Variants in ODF2 observed in about 807,000 individuals in gnomAD.
ODF2 encodes the protein outer dense fiber of sperm tails 2.
In ODF2, 47 loss-of-function variants were observed where a neutral mutation model predicts 110.2. The ratio of observed to expected loss-of-function variants is 0.43; its 90% CI spans 0.34 to 0.54. The LOEUF (loss-of-function observed/expected upper bound fraction) is 0.54, where lower values mean the gene tolerates loss of function less well. Among genes scored for constraint, ODF2 ranks in the 20% least tolerant of loss-of-function variants. The pLI, the probability that ODF2 is intolerant of heterozygous loss-of-function variation, is 0.03. For missense variants in ODF2, 812 were observed against 1,054.5 expected (o/e 0.77, Z 3.19); for synonymous variants, 352 against 397.7 (o/e 0.89, Z 1.37).
chr9:128,492,814 T>G lies in ODF2; in HGVS notation c.1752+9T>G. 6.2e-7 allele frequency: 1 copy of G among 1,607,956 alleles called. No homozygotes were observed. On this transcript the variant is annotated intron_variant, in intron 16 of 20. Transcript: ENST00000604420. ...ACAAAGAGATTGAGGCGGTACTGCT[T>G]TCCTTCCTTGTTTTCTTCTCCTACC...
chr9:128,483,137 G>A (rs1374874633), intron 10 of ODF2, among the ~76,000 whole-genome samples: 1 of 152,048 alleles, frequency 6.6e-6, no homozygotes, highest in Non-Finnish European at 1.5e-5. Flanking sequence ...CTCGTGATCT[G>A]CCTGCCTCGG....
rs930686975 is a variant in ODF2, at chr9:128,460,078, GTTC to G, written c.123+424_123+426del. On this transcript the variant is annotated intron_variant, in intron 3 of 20. Transcript: ENST00000604420. ...ATTTCCTTCAGCTTTCTGTTTTCCT[GTTC>G]TTTGATCTGCCTGCTCTCTGATTTA... is the stretch of plus-strand genomic sequence containing the variant. 7 of 1,190,598 alleles carry G rather than the reference GTTC, an allele frequency of 5.9e-6. No individual in the cohort carries two copies. The African/African-American group carries it at 1.1e-4, about 19-fold the overall frequency. The allele number at this position is 1,190,598 out of a possible 1,614,324, so 73.8% of individuals were successfully genotyped here.
intron 18 of ODF2, 53 bp from the exon 19 acceptor site, chr9:128,498,360 G>A (rs1301643885): frequency 3.4e-6 from 5 of 1,456,540 alleles, no homozygotes; most frequent in Non-Finnish European, 4.5e-6. Context: ...CTGGCGGGGT[G>A]GAACATGACA....
chr9:128,483,409 C>CAAAATT (rs1265224247), intron 10 of ODF2, among the ~76,000 whole-genome samples: 1 of 151,686 alleles, frequency 6.6e-6, no homozygotes, highest in Non-Finnish European at 1.5e-5. Context: ...CCCATCTCTA[C>CAAAATT]AAAATTAAAA....
intron 8 of ODF2, among the ~76,000 whole-genome samples, chr9:128,479,256 A>G (rs1841962825): frequency 6.6e-6 from 1 of 152,122 alleles, no homozygotes; most frequent in Non-Finnish European, 1.5e-5. Context: ...GGTGAACAAG[A>G]TGTCCCTCCC....
intron 13 of ODF2, among the ~76,000 whole-genome samples, chr9:128,486,077 C>T (rs1403914559): frequency 1.3e-5 from 2 of 152,192 alleles, no homozygotes; most frequent in Non-Finnish European, 1.5e-5. Flanking sequence ...ATATACCAAG[C>T]TGCTGTGTGC....
rs932094132 is a variant in ODF2 at position 128,481,730 on chromosome 9, T to C, written c.915+79T>C. 3.4e-6 allele frequency: 4 copies of C among 1,175,532 alleles called. No homozygotes were observed. The African/African-American group carries it at 6.1e-5, about 18-fold the overall frequency. The allele number at this position is 1,175,532 out of a possible 1,614,324, so 72.8% of individuals were successfully genotyped here. A position where few individuals can be genotyped will look rare whatever the true frequency, so the allele number is the denominator to read the frequency against. On this transcript the variant is annotated intron_variant, in intron 9 of 20. Transcript: ENST00000604420. The stretch of plus-strand genomic sequence containing the variant: ...TTCCACTACAAAGTGTAGAGGTGCT[T>C]GGATCAAGGCAGGAGGGCTGGAGCA...
intron 14 of ODF2, 72 bp downstream of exon 14, chr9:128,488,097 TGGGCC>T: frequency 6.4e-7 from 1 of 1,569,024 alleles, no homozygotes; most frequent in Non-Finnish European, 8.7e-7. Context: ...TTGTCTTACG[TGGGCC>T]TGGGGGCATC....
In ODF2 at chr9:128,495,975, T is replaced by C. The variant is rs1272821530; in HGVS notation, c.1912-66T>C. 24 of 1,585,350 alleles carry C rather than the reference T, an allele frequency of 1.5e-5. No individual in the cohort carries two copies. In the African/African-American group the frequency reaches 2.0e-4, roughly 13 times the overall value. ...TTTCCTGGGTGTGGACAACAGGTCATAGGGAAAGGGGAGGGCTCTAGCGGG... is the reference window on the plus strand; with the variant it reads ...TTTCCTGGGTGTGGACAACAGGTCACAGGGAAAGGGGAGGGCTCTAGCGGG... On this transcript the variant is annotated intron_variant, in intron 17 of 20. Transcript: ENST00000604420.
chr9:128,498,639 T>G lies in ODF2; in HGVS notation c.2175+64T>G, dbSNP rs978413071. ...TGGGCAAATCACCTAAACTCTCAGC[T>G]TATTTCTCCATCTGAAAAATGGGCA... On this transcript the variant is annotated intron_variant, in intron 19 of 20. Coordinates refer to ENST00000604420, the Ensembl canonical transcript of ODF2. The G allele has an allele frequency of 5.4e-6, 5 of 920,590 alleles. No homozygotes were observed. In the African/African-American group the frequency reaches 8.3e-5, roughly 15 times the overall value. The allele number at this position is 920,590 out of a possible 1,614,324, so 57.0% of individuals were successfully genotyped here. A position where few individuals can be genotyped will look rare whatever the true frequency, so the allele number is the denominator to read the frequency against.
chr9:128,472,031 C>T (rs1355049518), intron 6 of ODF2, among the ~76,000 whole-genome samples: 1 of 152,232 alleles, frequency 6.6e-6, no homozygotes, highest in Middle Eastern at 3.4e-3. Flanking sequence ...CCTGTAATCC[C>T]AGCCCTTTGG....
intron 4 of ODF2, among the ~76,000 whole-genome samples, chr9:128,468,798 A>G (rs187163306): frequency 6.6e-6 from 1 of 152,308 alleles, no homozygotes; most frequent in Non-Finnish European, 1.5e-5. Context: ...CTGGGATTGC[A>G]GATGTGAGCC....
In ODF2 at chr9:128,469,266, A is replaced by AGAT. The variant is rs1839105803; in HGVS notation, c.339_341dup (p.Asp114dup). ...TGCGGTTAAGTGACCTCTCTACAGA[A>AGAT]GATGATGACTCAGGTCACTGTAAAA... On this transcript the variant is annotated inframe_insertion, in exon 5 of 21. Transcript: ENST00000604420. The AGAT allele has an allele frequency of 2.5e-6, 4 of 1,613,946 alleles. No individual in the cohort carries two copies. In the African/African-American group the frequency reaches 5.3e-5, roughly 22 times the overall value.
Position 128,498,896 on chromosome 9 carries a change from T to C in ODF2, c.2176-105T>C. ...CTAGAGAACACAGTCCACAATGATG[T>C]GCAAGTGCTGTCTGCAAGACCAGAT... On this transcript the variant is annotated intron_variant, in intron 19 of 20. Coordinates refer to ENST00000604420, the Ensembl canonical transcript of ODF2. 4.2e-6 allele frequency: 6 copies of C among 1,433,518 alleles called. No individual in the cohort carries two copies. The South Asian group carries it at 7.5e-5, about 18-fold the overall frequency. 88.8% of individuals were successfully genotyped at this position (1,433,518 alleles called of 1,614,324 possible). A position where few individuals can be genotyped will look rare whatever the true frequency, so the allele number is the denominator to read the frequency against.
intron 13 of ODF2, among the ~76,000 whole-genome samples, chr9:128,487,351 C>T (rs1427610503): frequency 2.6e-5 from 4 of 152,158 alleles, no homozygotes; most frequent in African/African-American, 9.6e-5. Context: ...AGAGGTGGGA[C>T]AGGCATGGGA....
At position 128,494,181 on chromosome 9, in the gene ODF2, ATACTT is replaced by A. The variant is rs759061680; in HGVS notation, c.1753-328_1753-324del. On this transcript the variant is annotated intron_variant, in intron 16 of 20. Transcript: ENST00000604420. This position sits in a 1 kb window ranked among gnomAD's most constrained non-coding sequence, Gnocchi z 4.6. ...TGACTTAGCTCTCTTGATGCTTACT[ATACTT>A]GTATGGGGACAGCATCACCTATTTT... Among the ~76,000 whole-genome samples, 9 of 152,210 alleles carry A rather than the reference ATACTT, an allele frequency of 5.9e-5. No individual in the cohort carries two copies. Among genetic ancestry groups the A allele is most frequent in the Admixed American group, 2.0e-4 (3 of 15,294 alleles).
intron 7 of ODF2, chr9:128,473,398 C>T (rs1245449983): frequency 3.2e-6 from 2 of 629,556 alleles, no homozygotes; most frequent in South Asian, 7.0e-5. Flanking sequence ...GCCTTCCCAC[C>T]CCTTTCTCCA....
rs138057710 is a variant in ODF2 at position 128,457,220 on chromosome 9, C to G, written c.-186C>G. ...CAGGACAGTTGCTGTGCGACTTGGA[C>G]AGTAGAGGAGCGCCTCCCAAGTTTT... On this transcript the variant is annotated 5_prime_UTR_variant, in exon 2 of 21. Coordinates refer to ENST00000604420, the Ensembl canonical transcript of ODF2. 1,228 of 1,576,816 alleles carry G rather than the reference C, an allele frequency of 7.8e-4. 12 individuals carry two copies. In the African/African-American group the frequency reaches 0.015, roughly 19 times the overall value.
At position 128,483,930 on chromosome 9, in the gene ODF2, C is replaced by A; in HGVS notation, c.988-8C>A. 1 of 1,602,880 alleles carries A rather than the reference C, an allele frequency of 6.2e-7. No homozygotes were observed. The highest frequency in any genetic ancestry group is 8.5e-7 in the Non-Finnish European group (1 of 1,170,200). On this transcript the variant is annotated splice_region_variant and splice_polypyrimidine_tract_variant and intron_variant, in intron 10 of 20. Coordinates refer to ENST00000604420, the Ensembl canonical transcript of ODF2. ...TGTGCCTCCATCACTTTTTCCGTCT[C>A]TCCACAGGCTCAAGCAAAGACAGCC...
Sources: gnomAD v4.1 joint callset for allele counts (sites outside exome capture counted in the v4.1 genomes callset) on GRCh38, gnomAD v4.1.1 for gene constraint, Gnocchi (gnomAD v3.1) non-coding constraint, MANE v1.5 for transcripts, NCBI Gene and HGNC (gene_info 2026-07-23, HGNC 2026-07-21) for gene names.